The following LRRC9 variants were observed in gnomAD, a reference collection of about 807,000 sequenced individuals.
LRRC9 encodes the protein leucine-rich repeat-containing protein 9.
In LRRC9, 122 loss-of-function variants were observed where a neutral mutation model predicts 63.2. The observed-to-expected ratio is 1.93, with a 90% CI of 1.67 to 2.24. The LOEUF is 2.24. Among genes scored for constraint, LRRC9 ranks in the 30% most tolerant of loss-of-function variants. The probability of loss-of-function intolerance (pLI) is 0.00; values close to 1 mark genes in which losing one functional copy is unlikely to be tolerated. For synonymous variants in LRRC9, 366 were observed against 213.1 expected (o/e 1.72, Z -6.25); for missense variants, 1,071 against 627.7 (o/e 1.71, Z -7.55).
At chr14:59,985,630 T>C (rs1368745756) in intron 17 of LRRC9, among the ~76,000 whole-genome samples, 1 of 152,172 alleles carries the variant, frequency 6.6e-6, no homozygotes, top group Non-Finnish European at 1.5e-5. Flanking sequence ...AAATGATAAA[T>C]TGGAATAAGC....
In LRRC9 at chr14:59,989,144, G is replaced by GT. The variant is rs942245152; in HGVS notation, c.2211+3927dup. On this transcript the variant is annotated intron_variant, in intron 17 of 31. Coordinates refer to ENST00000445360, the Ensembl canonical transcript of LRRC9. ...GTCTTGGTGTTGGTTGTTCTGGGTT[G>GT]TTTTTTTCAGATTCACAGTATGATC... Among the ~76,000 whole-genome samples, 16 of 151,444 alleles carry GT rather than the reference G, an allele frequency of 1.1e-4. No individual in the cohort carries two copies. The South Asian group carries it at 1.5e-3, about 14-fold the overall frequency.
intron 15 of LRRC9, among the ~76,000 whole-genome samples, chr14:59,981,305 G>T (rs904210873): frequency 3.3e-5 from 5 of 151,662 alleles, no homozygotes; most frequent in Non-Finnish European, 7.4e-5. Flanking sequence ...GTACTTTATT[G>T]TCCTAGATTT....
chr14:60,028,676 C>T (rs755145234), intron 28 of LRRC9, among the ~76,000 whole-genome samples: 2 of 152,100 alleles, frequency 1.3e-5, no homozygotes, highest in Admixed American at 6.6e-5. Context: ...AAGACATAAC[C>T]TTATACAGCC....
intron 8 of LRRC9, among the ~76,000 whole-genome samples, 181 bp downstream of exon 8, chr14:59,944,925 CA>C (rs1882197113): frequency 6.6e-6 from 1 of 151,394 alleles, no homozygotes; most frequent in South Asian, 2.1e-4. Context: ...AGCTTGCCCC[CA>C]AAAAAGTTCT....
chr14:60,033,240 T>C lies in LRRC9; in HGVS notation c.3990+1177T>C, dbSNP rs138014877. On this transcript the variant is annotated intron_variant, in intron 29 of 31. Coordinates refer to ENST00000445360, the Ensembl canonical transcript of LRRC9. ...GGTTTGTAAATTTTTTTGGATTTTC[T>C]GTATAGATTATTATCTGCAAATTTG... is the stretch of plus-strand genomic sequence containing the variant. 7.1e-3 allele frequency among the ~76,000 whole-genome samples: 1,087 copies of C among 152,266 alleles called. 14 individuals carry two copies. The highest frequency in any genetic ancestry group is 8.0e-3 in the Non-Finnish European group (544 of 68,010).
chr14:60,017,924 C>G lies in LRRC9; in HGVS notation c.3318-447C>G, dbSNP rs1049147429. Among the ~76,000 whole-genome samples the G allele has an allele frequency of 6.6e-6, 1 of 152,032 alleles. No individual in the cohort carries two copies. Among genetic ancestry groups the G allele is most frequent in the Admixed American group, 6.6e-5 (1 of 15,244 alleles). On this transcript the variant is annotated intron_variant, in intron 24 of 31. Coordinates refer to ENST00000445360, the Ensembl canonical transcript of LRRC9. The surrounding 1 kb of genome is among the most constrained non-coding windows in gnomAD (Gnocchi z 4.0). ...TTTTCAAAGACCTTACCTGCTTTTC[C>G]TTTCCTTTCCTATCCCTAACCACTT... is the stretch of plus-strand genomic sequence containing the variant.
chr14:60,035,342 T>C (rs1173514286), intron 29 of LRRC9, among the ~76,000 whole-genome samples: 1 of 152,210 alleles, frequency 6.6e-6, no homozygotes, highest in Admixed American at 6.5e-5. Flanking sequence ...GTACGGAAGC[T>C]TTTCAGCTTG....
At chr14:60,022,915 C>G (rs779938437) in intron 27 of LRRC9, 45 bp downstream of exon 27, 1 of 460,152 alleles carries the variant, frequency 2.2e-6, no homozygotes, top group Non-Finnish European at 3.9e-6. Context: ...TTTTTAAAAA[C>G]TGATTTTATC....
chr14:59,984,622 C>T (rs1027175862), intron 16 of LRRC9, among the ~76,000 whole-genome samples: 2 of 152,138 alleles, frequency 1.3e-5, no homozygotes, highest in Non-Finnish European at 2.9e-5. Context: ...CCACCTCCTC[C>T]TTTGACCTTC....
downstream of LRRC9, among the ~76,000 whole-genome samples, chr14:60,066,410 G>A (rs1339035784): frequency 6.6e-6 from 1 of 152,078 alleles, no homozygotes; most frequent in Non-Finnish European, 1.5e-5. Flanking sequence ...AGGGAGGTAA[G>A]ATTATTATAA....
rs1286931216 is a variant in LRRC9, at chr14:60,042,113, T to C, written c.3990+10050T>C. Among the ~76,000 whole-genome samples the C allele has an allele frequency of 1.3e-5, 2 of 152,198 alleles. No homozygotes were observed. Among genetic ancestry groups the C allele is most frequent in the African/African-American group, 4.8e-5 (2 of 41,458 alleles). On this transcript the variant is annotated intron_variant, in intron 29 of 31. Coordinates refer to ENST00000445360, the Ensembl canonical transcript of LRRC9. The surrounding 1 kb of genome is among the most constrained non-coding windows in gnomAD (Gnocchi z 4.2). The stretch of plus-strand genomic sequence containing the variant: ...GCTGCTTGATCCTTCCTCTGGAACC[T>C]TCGTCTCAGAGGGGCACCCAGCTGT...
At chr14:60,063,428 G>A (rs1300386307) in exon 32 of LRRC9, 12 of 668,302 alleles carry the variant, frequency 1.8e-5, no homozygotes, top group East Asian at 5.5e-5. Flanking sequence ...AAAAACTAGC[G>A]GACAGTGGTC....
chr14:59,978,195 A>G, intron 15 of LRRC9, 63 bp downstream of exon 15: 1 of 682,148 alleles, frequency 1.5e-6, no homozygotes, highest in Non-Finnish European at 2.7e-6. Flanking sequence ...CAAAGTAGTA[A>G]TTTGAAGTCG....
intron 28 of LRRC9, 60 bp downstream of exon 28, chr14:60,028,161 C>A: frequency 1.6e-6 from 1 of 642,528 alleles, no homozygotes; most frequent in South Asian, 1.8e-5. Flanking sequence ...GAGTTCTGAG[C>A]ATAAAGCTTC....
rs73306085 is a variant in LRRC9 at position 60,021,112 on chromosome 14, A to G, written c.3567-1622A>G. ...TGCACCATTTTTCATTATCACCAGT[A>G]GCATGTGAAGATTTTAATTCCTGCA... is the stretch of plus-strand genomic sequence containing the variant. On this transcript the variant is annotated intron_variant, in intron 26 of 31. Coordinates refer to ENST00000445360, the Ensembl canonical transcript of LRRC9. Among the ~76,000 whole-genome samples the G allele has an allele frequency of 2.9e-3, 448 of 152,028 alleles. 3 individuals are homozygous for G. Among genetic ancestry groups the G allele is most frequent in the African/African-American group, 0.01 (430 of 41,556 alleles).
intron 29 of LRRC9, among the ~76,000 whole-genome samples, chr14:60,041,083 GGT>G (rs1333022951): frequency 3.3e-5 from 5 of 151,816 alleles, no homozygotes; most frequent in Non-Finnish European, 4.4e-5. Flanking sequence ...GTTGAATATT[GGT>G]CCCCACTCTC....
intron 8 of LRRC9, among the ~76,000 whole-genome samples, chr14:59,959,609 A>C (rs182980899): frequency 3.3e-5 from 5 of 152,286 alleles, no homozygotes; most frequent in African/African-American, 1.2e-4. Flanking sequence ...GTCAAGAGAA[A>C]CTGGCTGACT....
At chr14:59,974,627 G>A (rs1885914905) in exon 13 of LRRC9, 1 of 691,710 alleles carries the variant, frequency 1.4e-6, no homozygotes, top group South Asian at 1.5e-5. Flanking sequence ...AAGTATAAGT[G>A]AGTGTCCCAG....
At chr14:60,036,436 G>A (rs1371191193) in intron 29 of LRRC9, among the ~76,000 whole-genome samples, 1 of 152,090 alleles carries the variant, frequency 6.6e-6, no homozygotes, top group Admixed American at 6.6e-5. Flanking sequence ...CCAGACTGAG[G>A]AATCTTCCAG....
Sources: allele counts gnomAD v4.1 joint callset (sites outside exome capture counted in the v4.1 genomes callset), GRCh38; gene constraint gnomAD v4.1.1; non-coding constraint Gnocchi (gnomAD v3.1); transcripts MANE v1.5; gene names NCBI Gene and HGNC (gene_info 2026-07-23, HGNC 2026-07-21).